KCTD16: variants seen among roughly 807,000 people sequenced by gnomAD.
KCTD16 encodes the protein potassium channel tetramerization domain containing 16, also known as BTB/POZ domain-containing protein KCTD16.
In KCTD16, 13 loss-of-function variants were observed where a neutral mutation model predicts 33.2. The observed-to-expected ratio is 0.39, with a 90% CI of 0.25 to 0.62. The LOEUF is 0.62. Among genes scored for constraint, KCTD16 ranks in the 20% least tolerant of loss-of-function variants. The probability of loss-of-function intolerance (pLI) is 0.50; values close to 1 mark genes in which losing one functional copy is unlikely to be tolerated. For missense variants in KCTD16, 441 were observed against 525.1 expected (o/e 0.84, Z 1.57); for synonymous variants, 197 against 195.3 (o/e 1.01, Z -0.07).
chr5:144,428,408 C>A (rs1753382732), intron 3 of KCTD16, among the ~76,000 whole-genome samples: 1 of 152,094 alleles, frequency 6.6e-6, no homozygotes, highest in African/African-American at 2.4e-5. Flanking sequence ...GGGGAATTTT[C>A]TGCTGATAAA....
At chr5:144,228,223 G>C (rs1365207866) in intron 3 of KCTD16, among the ~76,000 whole-genome samples, 6 of 152,140 alleles carry the variant, frequency 3.9e-5, no homozygotes, top group African/African-American at 7.2e-5. Flanking sequence ...GAGTTGAAGA[G>C]GAACCTACAA....
intron 3 of KCTD16, among the ~76,000 whole-genome samples, chr5:144,406,501 T>C (rs1752811383): frequency 6.6e-6 from 1 of 152,208 alleles, no homozygotes; most frequent in Non-Finnish European, 1.5e-5. Flanking sequence ...TCTAGAAATG[T>C]CCATATATAA....
At chr5:144,425,377 T>C (rs1299098399) in intron 3 of KCTD16, among the ~76,000 whole-genome samples, 5 of 151,740 alleles carry the variant, frequency 3.3e-5, no homozygotes, top group Non-Finnish European at 7.4e-5. Flanking sequence ...CTCTCTCAGG[T>C]TGGAGTCTTC....
At chr5:144,409,933 C>A (rs145826370) in intron 3 of KCTD16, among the ~76,000 whole-genome samples, 1 of 152,086 alleles carries the variant, frequency 6.6e-6, no homozygotes, top group Non-Finnish European at 1.5e-5. Context: ...GCATCTAATG[C>A]GAATATGAGA....
At chr5:144,259,230 G>A (rs943533692) in intron 3 of KCTD16, among the ~76,000 whole-genome samples, 73 of 136,534 alleles carry the variant, frequency 5.3e-4, no homozygotes, top group Admixed American at 1.1e-3. Flanking sequence ...TGCACTCCAG[G>A]CTGGATGACA....
intron 3 of KCTD16, among the ~76,000 whole-genome samples, chr5:144,266,570 T>TA (rs1285894035): frequency 6.6e-6 from 1 of 152,184 alleles, no homozygotes; most frequent in African/African-American, 2.4e-5. Context: ...TGGGCTTATT[T>TA]AAAAAATGTC....
At chr5:144,435,972 T>C (rs755773826) in intron 3 of KCTD16, among the ~76,000 whole-genome samples, 1 of 152,174 alleles carries the variant, frequency 6.6e-6, no homozygotes, top group Non-Finnish European at 1.5e-5. Context: ...GAGTCCATTC[T>C]CCAGCATTTT....
chr5:144,457,871 T>C (rs1021081925), intron 3 of KCTD16, among the ~76,000 whole-genome samples: 4 of 152,272 alleles, frequency 2.6e-5, no homozygotes, highest in East Asian at 1.9e-4. Context: ...GGATTAGGCC[T>C]GGGATGCTGG....
At chr5:144,429,084 A>G (rs1753398008) in intron 3 of KCTD16, among the ~76,000 whole-genome samples, 1 of 152,186 alleles carries the variant, frequency 6.6e-6, no homozygotes, top group South Asian at 2.1e-4. Flanking sequence ...AAAACAATAA[A>G]GAAGACAGGG....
chr5:144,431,490 G>T (rs1417800510), intron 3 of KCTD16, among the ~76,000 whole-genome samples: 1 of 152,062 alleles, frequency 6.6e-6, no homozygotes, highest in Non-Finnish European at 1.5e-5. Context: ...ATCAAGTTTG[G>T]CTCTTTAACT....
At chr5:144,229,805 A>C (rs1754043923) in intron 3 of KCTD16, among the ~76,000 whole-genome samples, 1 of 152,194 alleles carries the variant, frequency 6.6e-6, no homozygotes, top group South Asian at 2.1e-4. Flanking sequence ...TTCGCTAACC[A>C]AATCTGTCAT....
At chr5:144,416,807 A>G (rs538671727) in intron 3 of KCTD16, among the ~76,000 whole-genome samples, 1 of 152,116 alleles carries the variant, frequency 6.6e-6, no homozygotes, top group Non-Finnish European at 1.5e-5. Flanking sequence ...CCTGTAAGCT[A>G]CCAATCTGTT....
chr5:144,194,477 G>A (rs1007703034), intron 2 of KCTD16, among the ~76,000 whole-genome samples: 3 of 152,224 alleles, frequency 2.0e-5, no homozygotes, highest in Non-Finnish European at 2.9e-5. Flanking sequence ...GTCAATGTTA[G>A]TGATGTGGCT....
At chr5:144,462,365 A>T (rs142224089) in intron 3 of KCTD16, among the ~76,000 whole-genome samples, 61 of 152,230 alleles carry the variant, frequency 4.0e-4, no homozygotes, top group African/African-American at 1.4e-3. Flanking sequence ...CAGCTAATCA[A>T]TCTGCAGAAG....
chr5:144,217,425 C>A (rs1753599023), intron 3 of KCTD16, among the ~76,000 whole-genome samples: 1 of 151,824 alleles, frequency 6.6e-6, no homozygotes, highest in South Asian at 2.1e-4. Context: ...TCTTATTTGC[C>A]CAATAAAAGT....
At chr5:144,271,469 T>C (rs1561549252) in intron 3 of KCTD16, among the ~76,000 whole-genome samples, 1 of 151,736 alleles carries the variant, frequency 6.6e-6, no homozygotes, top group African/African-American at 2.4e-5. Flanking sequence ...ATCAAAACAT[T>C]AAAAAAACTA....
At chr5:144,469,231 T>C (rs1450230976) in intron 3 of KCTD16, among the ~76,000 whole-genome samples, 2 of 152,224 alleles carry the variant, frequency 1.3e-5, no homozygotes, top group Non-Finnish European at 2.9e-5. Flanking sequence ...AGCACTGCAC[T>C]ATAAAGACTC....
intron 3 of KCTD16, among the ~76,000 whole-genome samples, chr5:144,216,790 G>T (rs1390614179): frequency 6.6e-6 from 1 of 151,076 alleles, no homozygotes; most frequent in African/African-American, 2.4e-5. Flanking sequence ...GTTGCAGTGA[G>T]CCGTCATCAC....
intron 3 of KCTD16, among the ~76,000 whole-genome samples, chr5:144,322,169 C>T (rs899433610): frequency 6.6e-6 from 1 of 151,950 alleles, no homozygotes; most frequent in Non-Finnish European, 1.5e-5. Flanking sequence ...TAGTTCCTCA[C>T]CTGCTCCTTA....
Sources: allele counts gnomAD v4.1 joint callset (sites outside exome capture counted in the v4.1 genomes callset), GRCh38; gene constraint gnomAD v4.1.1; transcripts MANE v1.5; gene names NCBI Gene and HGNC (gene_info 2026-07-23, HGNC 2026-07-21).